The following SLC7A14 variants were observed in gnomAD, a reference collection of about 807,000 sequenced individuals.
SLC7A14 encodes gamma-aminobutyric acid transporter SLC7A14.
SLC7A14 carries 37 observed loss-of-function variants against 60.2 expected under a neutral mutation model. That is an observed-to-expected ratio of 0.61 (90% CI 0.47 to 0.81). SLC7A14 has a LOEUF of 0.81. Among genes scored for constraint, SLC7A14 ranks in the 30% least tolerant of loss-of-function variants. The probability of loss-of-function intolerance (pLI) is 0.00; values close to 1 mark genes in which losing one functional copy is unlikely to be tolerated. For missense variants in SLC7A14, 886 were observed against 982.7 expected (o/e 0.90, Z 1.32); for synonymous variants, 399 against 395.8 (o/e 1.01, Z -0.10).
chr3:170,492,941 A>G (rs1712267102), intron 4 of SLC7A14, among the ~76,000 whole-genome samples: 1 of 152,190 alleles, frequency 6.6e-6, no homozygotes, highest in Non-Finnish European at 1.5e-5. Flanking sequence ...TGACAGTGGA[A>G]TGTGCTAATA....
chr3:170,483,585 C>T, intron 5 of SLC7A14, 63 bp from the exon 6 acceptor site: 1 of 1,575,052 alleles, frequency 6.3e-7, no homozygotes, highest in Non-Finnish European at 8.7e-7. Context: ...ATAGAGGCCC[C>T]ACGGGAGAGG....
intron 1 of SLC7A14, among the ~76,000 whole-genome samples, chr3:170,566,091 C>A (rs1405384170): frequency 6.6e-6 from 1 of 152,104 alleles, no homozygotes; most frequent in African/African-American, 2.4e-5. Flanking sequence ...GAATTTAAGG[C>A]CCAGAGAAGC....
chr3:170,568,385 A>T (rs1218761166), intron 1 of SLC7A14, among the ~76,000 whole-genome samples: 1 of 152,128 alleles, frequency 6.6e-6, no homozygotes, highest in African/African-American at 2.4e-5. Context: ...TTTTGGTAAA[A>T]AGTACCATGC....
chr3:170,563,250 A>G (rs1714702493), intron 1 of SLC7A14, among the ~76,000 whole-genome samples: 1 of 152,018 alleles, frequency 6.6e-6, no homozygotes, highest in Non-Finnish European at 1.5e-5. Flanking sequence ...ATTTGCCACC[A>G]TGATGCCTTT....
Position 170,501,326 on chromosome 3 carries a change from A to G in SLC7A14, c.324T>C (p.Phe108=). 6.2e-7 allele frequency: 1 copy of G among 1,614,220 alleles called. No individual in the cohort carries two copies. Among genetic ancestry groups the G allele is most frequent in the Non-Finnish European group, 8.5e-7 (1 of 1,180,024 alleles). Residue 108 remains phenylalanine, a synonymous_variant, in exon 3 of 8, where the codon TTT becomes TTC. Coordinates refer to ENST00000231706, the MANE Select transcript of SLC7A14 (RefSeq NM_020949.3). ...SILSGVCYAE[F]GVRVPKTTGS... is the part of the protein sequence containing the mutation. The stretch of plus-strand genomic sequence containing the variant: ...CTGTGGTCTTGGGGACTCGAACTCC[A>G]AACTCTGCATAGCAGACGCCTGCAA...
intron 1 of SLC7A14, among the ~76,000 whole-genome samples, chr3:170,533,755 A>G (rs1004780634): frequency 2.6e-4 from 39 of 152,008 alleles, no homozygotes; most frequent in Non-Finnish European, 4.4e-4. Flanking sequence ...GTGCCTGACA[A>G]ATTCACTTAG....
chr3:170,472,767 CAA>C (rs11456241), intron 7 of SLC7A14, among the ~76,000 whole-genome samples: 19 of 107,140 alleles, frequency 1.8e-4, no homozygotes, highest in South Asian at 2.9e-4. Context: ...GACTCCGTCT[CAA>C]AAAAAAAAAA....
chr3:170,508,092 C>A (rs970216136), intron 2 of SLC7A14, among the ~76,000 whole-genome samples: 50 of 152,208 alleles, frequency 3.3e-4, no homozygotes, highest in Admixed American at 3.3e-3. Flanking sequence ...TTCACTCATT[C>A]ATTTATCCCA....
At chr3:170,518,620 C>T (rs761296985) in intron 2 of SLC7A14, among the ~76,000 whole-genome samples, 6 of 152,216 alleles carry the variant, frequency 3.9e-5, no homozygotes, top group South Asian at 2.1e-4. Flanking sequence ...CTAACCTTCC[C>T]GGCATGGCCT....
intron 1 of SLC7A14, among the ~76,000 whole-genome samples, chr3:170,545,810 G>C (rs1714160836): frequency 6.6e-6 from 1 of 152,172 alleles, no homozygotes; most frequent in Admixed American, 6.5e-5. Context: ...ATTATTTATG[G>C]CTTGGGAGAC....
In SLC7A14 at chr3:170,520,027, C is replaced by T. The variant is rs944998126; in HGVS notation, c.304+6606G>A. ...CTCTCCAGGTTTCTTGTACACAGGA[C>T]AGAAATGAAATTCTCCCTTATTTTG... On this transcript the variant is annotated intron_variant, in intron 2 of 7. Coordinates refer to ENST00000231706, the MANE Select transcript of SLC7A14 (RefSeq NM_020949.3). Among the ~76,000 whole-genome samples the T allele has an allele frequency of 3.3e-5, 5 of 152,192 alleles. No individual in the cohort carries two copies. In the South Asian group the frequency reaches 1.0e-3, roughly 31 times the overall value.
At chr3:170,510,402 AAAT>A (rs1228672743) in intron 2 of SLC7A14, among the ~76,000 whole-genome samples, 5 of 121,180 alleles carry the variant, frequency 4.1e-5, no homozygotes, top group Admixed American at 8.0e-5. Context: ...AAAAAAAAAT[AAAT>A]AAATAAATAA....
chr3:170,515,445 G>T (rs1037197101), intron 2 of SLC7A14, among the ~76,000 whole-genome samples: 1 of 152,070 alleles, frequency 6.6e-6, no homozygotes, highest in Admixed American at 6.6e-5. Flanking sequence ...AAAGCTGAAG[G>T]ATCCATATCT....
chr3:170,479,101 G>A (rs1055776061), intron 7 of SLC7A14, among the ~76,000 whole-genome samples: 1 of 151,948 alleles, frequency 6.6e-6, no homozygotes, highest in African/African-American at 2.4e-5. Context: ...CAGCCTGGGC[G>A]ACACAGCAAG....
At chr3:170,499,897 C>G (rs892213341) in intron 3 of SLC7A14, among the ~76,000 whole-genome samples, 1 of 152,126 alleles carries the variant, frequency 6.6e-6, no homozygotes, top group Non-Finnish European at 1.5e-5. Context: ...ACATGAATGG[C>G]CTGATTTTGG....
At chr3:170,531,279 C>T (rs1010924823) in intron 1 of SLC7A14, among the ~76,000 whole-genome samples, 7 of 152,060 alleles carry the variant, frequency 4.6e-5, no homozygotes, top group African/African-American at 1.7e-4. Flanking sequence ...GGCCTCTTAA[C>T]AGCTCTCCTC....
At position 170,462,787 on chromosome 3, in the gene SLC7A14, T is replaced by C. The variant is rs1031139433; in HGVS notation, c.*4268A>G. On this transcript the variant is annotated 3_prime_UTR_variant, in exon 8 of 8. Transcript: ENST00000231706. ...AACCTGGAGCTGAGATTTTACTGTT[T>C]AGATTAGATAGATATAAAAAGTTGT... 3.3e-5 allele frequency: 5 copies of C among 152,126 alleles called. No homozygotes were observed. The highest frequency in any genetic ancestry group is 1.2e-4 in the African/African-American group (5 of 41,420). The allele number at this position is 152,126 out of a possible 1,614,324, so 9.4% of individuals were successfully genotyped here.
At chr3:170,549,186 G>T (rs959930552) in intron 1 of SLC7A14, among the ~76,000 whole-genome samples, 5 of 151,048 alleles carry the variant, frequency 3.3e-5, no homozygotes, top group Non-Finnish European at 7.4e-5. Flanking sequence ...AATACAGGCT[G>T]AATCCAGACT....
In SLC7A14 at chr3:170,467,950, T is replaced by C. The variant is rs150262796; in HGVS notation, c.1994-573A>G. Among the ~76,000 whole-genome samples, 628 of 152,332 alleles carry C rather than the reference T, an allele frequency of 4.1e-3. 10 individuals carry two copies. Among genetic ancestry groups the C allele is most frequent in the Non-Finnish European group, 2.9e-3 (196 of 68,030 alleles). On this transcript the variant is annotated intron_variant, in intron 7 of 7. Coordinates refer to ENST00000231706, the MANE Select transcript of SLC7A14 (RefSeq NM_020949.3). ...ATTTACCTTGACATTTTACACTCAC[T>C]AAAGGCGTGATATATCATGGCCACT... is the stretch of plus-strand genomic sequence containing the variant.
Sources: gnomAD v4.1 joint callset for allele counts (sites outside exome capture counted in the v4.1 genomes callset) on GRCh38, gnomAD v4.1.1 for gene constraint, MANE v1.5 for transcripts, NCBI Gene and HGNC (gene_info 2026-07-23, HGNC 2026-07-21) for gene names.